ZNF75D: variants seen among roughly 807,000 people sequenced by gnomAD.
ZNF75D encodes the protein zinc finger protein 75D.
In ZNF75D, 33 loss-of-function variants were observed where a neutral mutation model predicts 33.3. The observed-to-expected ratio is 0.99, with a 90% CI of 0.75 to 1.32. ZNF75D has a LOEUF of 1.32. Among genes scored for constraint, ZNF75D ranks in the 40% most tolerant of loss-of-function variants. The pLI is 0.00. For synonymous variants in ZNF75D, 113 were observed against 130.6 expected (o/e 0.87, Z 0.92); for missense variants, 338 against 367.5 (o/e 0.92, Z 0.66).
chrX:135,333,695 T>C (rs2084677652), intron 1 of ZNF75D, among the ~76,000 whole-genome samples: 1 of 111,836 alleles, frequency 8.9e-6, no homozygotes, highest in Admixed American at 9.5e-5. Flanking sequence ...GGACAAAGAA[T>C]AGATCATCCC....
chrX:135,282,391 G>A (rs782676609), downstream of ZNF75D, among the ~76,000 whole-genome samples: 2 of 111,813 alleles, frequency 1.8e-5, no homozygotes, highest in Non-Finnish European at 3.8e-5. Flanking sequence ...TGCTGGCAGC[G>A]AGAATTTCAA....
At chrX:135,259,623 T>G (rs1205829318) in intron 1 of ZNF75D, among the ~76,000 whole-genome samples, 1 of 111,892 alleles carries the variant, frequency 8.9e-6, no homozygotes, top group Non-Finnish European at 1.9e-5. Flanking sequence ...GGAATGCTTG[T>G]GAGTTTTGCA....
chrX:135,296,954 C>T (rs2084139438), intron 1 of ZNF75D: 1 of 112,069 alleles, frequency 8.9e-6, no homozygotes, highest in African/African-American at 3.2e-5. Flanking sequence ...TCCTGCAGTG[C>T]TTAGCATAGT....
At chrX:135,316,323 C>T (rs782505871) in intron 1 of ZNF75D, among the ~76,000 whole-genome samples, 2 of 111,281 alleles carry the variant, frequency 1.8e-5, no homozygotes, top group African/African-American at 3.3e-5. Context: ...CCTTTTAGCA[C>T]GTTGAATATA....
chrX:135,328,687 T>C (rs182626647), intron 1 of ZNF75D, among the ~76,000 whole-genome samples: 12 of 112,258 alleles, frequency 1.1e-4, no homozygotes, highest in African/African-American at 3.9e-4. Flanking sequence ...GACTAGACAA[T>C]AGATGTCTTC....
At chrX:135,277,836 C>G (rs1021192648) in intron 1 of ZNF75D, among the ~76,000 whole-genome samples, 1 of 111,871 alleles carries the variant, frequency 8.9e-6, no homozygotes, top group African/African-American at 3.3e-5. Flanking sequence ...TGTTCTGTTA[C>G]ATTGGTCTAT....
intron 1 of ZNF75D, among the ~76,000 whole-genome samples, chrX:135,258,135 C>T (rs1445639175): frequency 9.9e-6 from 1 of 101,381 alleles, no homozygotes; most frequent in Non-Finnish European, 2.1e-5. Flanking sequence ...CTACAAAGGA[C>T]ATGAACTCAT....
rs2084038559 is a variant in ZNF75D, at chrX:135,291,530, T to C, written c.638A>G (p.Glu213Gly). The C allele has an allele frequency of 8.3e-6, 10 of 1,210,713 alleles. No individual in the cohort carries two copies. Among genetic ancestry groups the C allele is most frequent in the Non-Finnish European group, 1.1e-5 (10 of 894,440 alleles). ...VHDQQMLALS[E>G]QKRIKHWKMA... is the part of the protein sequence containing the mutation. The stretch of plus-strand genomic sequence containing the variant: ...CTTCCAGTGTTTGATTCTTTTCTGC[T>C]CAGAAAGGGCTAACATCTGTTGATC... The change falls in exon 5 of 7, where the codon GAG becomes GGG. Residue 213 changes from glutamate to glycine, a missense_variant. This residue lies in a region of ZNF75D where 254 missense variants were observed against 267.7 expected (regional missense o/e 0.95). Transcript: ENST00000370766.
intron 1 of ZNF75D, among the ~76,000 whole-genome samples, chrX:135,258,465 T>C (rs2083820317): frequency 9.0e-6 from 1 of 111,455 alleles, no homozygotes; most frequent in South Asian, 3.8e-4. Flanking sequence ...TGTTGTTTCC[T>C]GACTTTTTAA....
intron 1 of ZNF75D, among the ~76,000 whole-genome samples, chrX:135,257,227 C>T (rs782269848): frequency 3.6e-5 from 4 of 112,413 alleles, no homozygotes; most frequent in Non-Finnish European, 5.6e-5. Flanking sequence ...TTGGGGTCCT[C>T]GAGTCCAGGC....
At chrX:135,296,279 T>C (rs1356526097) in intron 1 of ZNF75D, among the ~76,000 whole-genome samples, 1 of 111,523 alleles carries the variant, frequency 9.0e-6, no homozygotes, top group Non-Finnish European at 1.9e-5. Context: ...GCCCCTCAAA[T>C]GGCTCTTCCC....
chrX:135,315,541 T>A (rs2084409844), intron 1 of ZNF75D, among the ~76,000 whole-genome samples: 1 of 112,236 alleles, frequency 8.9e-6, no homozygotes, highest in Non-Finnish European at 1.9e-5. Flanking sequence ...GGTGTTGAAG[T>A]CCTCCATAAT....
chrX:135,313,008 C>T (rs1306074427), intron 1 of ZNF75D, among the ~76,000 whole-genome samples: 4 of 111,765 alleles, frequency 3.6e-5, no homozygotes, highest in Admixed American at 9.5e-5. Context: ...TTGATATAGT[C>T]CTTTTTGTCT....
chrX:135,312,851 ATT>A (rs2084377223), intron 1 of ZNF75D, among the ~76,000 whole-genome samples: 1 of 110,966 alleles, frequency 9.0e-6, no homozygotes, highest in Non-Finnish European at 1.9e-5. Flanking sequence ...TAATGGGATT[ATT>A]TGTTTTATTA....
At chrX:135,323,510 C>T (rs1398881147) in intron 1 of ZNF75D, among the ~76,000 whole-genome samples, 1 of 112,002 alleles carries the variant, frequency 8.9e-6, no homozygotes, top group Non-Finnish European at 1.9e-5. Context: ...GAGTGACCAC[C>T]TCATGGGCAC....
chrX:135,311,886 G>A (rs1556428411), intron 1 of ZNF75D, among the ~76,000 whole-genome samples: 2 of 111,393 alleles, frequency 1.8e-5, no homozygotes, highest in African/African-American at 6.5e-5. Context: ...TTTTGTACCT[G>A]TTTATGGGAT....
At position 135,271,329 on chromosome X, in the gene ZNF75D, T is replaced by A. The variant is rs2083882348; in HGVS notation, n.828-15552A>T. ...GCTCTCATAGCATGACTAATATGGATGAAGGCAAATCTATGTCGTGAATAT... is the reference window on the plus strand; with the variant it reads ...GCTCTCATAGCATGACTAATATGGAAGAAGGCAAATCTATGTCGTGAATAT... On this transcript the variant is annotated intron_variant and non_coding_transcript_variant, in intron 1 of 3. Coordinates refer to the ZNF75D transcript ENST00000494295. Among the ~76,000 whole-genome samples the A allele has an allele frequency of 2.7e-5, 3 of 112,170 alleles. No homozygotes were observed. The Admixed American group carries it at 2.8e-4, about 11-fold the overall frequency.
In ZNF75D at chrX:135,249,040, G is replaced by A. The variant is rs1405862389; in HGVS notation, n.1558C>T. 92 of 324,057 alleles carry A rather than the reference G, an allele frequency of 2.8e-4. 4 individuals are homozygous for A. The highest frequency in any genetic ancestry group is 2.7e-3 in the Admixed American group (86 of 31,792). 26.7% of individuals were successfully genotyped at this position (324,057 alleles called of 1,213,427 possible). On this transcript the variant is annotated non_coding_transcript_exon_variant, in exon 4 of 4. Coordinates refer to the ZNF75D transcript ENST00000494295. ...AGGTGGGTTGATTGTGTGGCGTGTC[G>A]GCAAAGGCCAGGTCCACCCTGGTAT...
chrX:135,304,269 G>A (rs1408941096), intron 1 of ZNF75D, among the ~76,000 whole-genome samples: 1 of 111,279 alleles, frequency 9.0e-6, no homozygotes, highest in African/African-American at 3.3e-5. Context: ...ACAGTGTGCT[G>A]AGCGTGGGCC....
Sources: allele counts gnomAD v4.1 joint callset (sites outside exome capture counted in the v4.1 genomes callset), GRCh38; gene constraint gnomAD v4.1.1; regional missense constraint gnomAD v4.1.1; transcripts MANE v1.5; gene names NCBI Gene and HGNC (gene_info 2026-07-23, HGNC 2026-07-21).